The following GFOD1 variants were observed in gnomAD, a reference collection of about 807,000 sequenced individuals.
The protein encoded by GFOD1 is Gfo/Idh/MocA-like oxidoreductase domain containing 1.
GFOD1 carries 9 observed loss-of-function variants against 25.4 expected under a neutral mutation model. The observed-to-expected ratio is 0.35, with a 90% CI of 0.21 to 0.62. The LOEUF is 0.62. Ranked by LOEUF, GFOD1 falls within the 20% of genes least tolerant of loss-of-function variation. GFOD1 has a pLI of 0.72. For missense variants in GFOD1, 403 were observed against 556.9 expected (o/e 0.72, Z 2.78); for synonymous variants, 253 against 245.6 (o/e 1.03, Z -0.28).
chr6:13,376,569 G>A (rs1275907012), intron 1 of GFOD1, among the ~76,000 whole-genome samples: 1 of 152,098 alleles, frequency 6.6e-6, no homozygotes, highest in African/African-American at 2.4e-5. Context: ...CAAACATTGG[G>A]TCACCAGAGT....
intron 1 of GFOD1, among the ~76,000 whole-genome samples, chr6:13,382,056 C>A (rs1785376687): frequency 6.6e-6 from 1 of 152,066 alleles, no homozygotes; most frequent in Non-Finnish European, 1.5e-5. Context: ...TATTGTCCTT[C>A]CAATTTCACA....
At chr6:13,470,286 C>T in intron 1 of GFOD1, 1 of 1,587,160 alleles carries the variant, frequency 6.3e-7, no homozygotes, top group Non-Finnish European at 8.6e-7. Flanking sequence ...CCCATGCCAG[C>T]AGGCTGTGGC....
chr6:13,374,308 T>C (rs1785213119), intron 1 of GFOD1, among the ~76,000 whole-genome samples: 2 of 149,074 alleles, frequency 1.3e-5, no homozygotes, highest in Admixed American at 6.7e-5. Flanking sequence ...TGTGTGTGTT[T>C]GTTTTTTTTT....
At chr6:13,416,325 A>T (rs1030955062) in intron 1 of GFOD1, among the ~76,000 whole-genome samples, 1 of 152,250 alleles carries the variant, frequency 6.6e-6, no homozygotes, top group Admixed American at 6.5e-5. Context: ...TAATACAGGG[A>T]GACAGCCAGA....
At position 13,481,558 on chromosome 6, in the gene GFOD1, TACACACAC is replaced by T. The variant is rs55888360; in HGVS notation, c.253+5072_253+5079del. On this transcript the variant is annotated intron_variant, in intron 1 of 1. Coordinates refer to ENST00000379287, the MANE Select transcript of GFOD1 (RefSeq NM_018988.4). ...CCACTGAAAGTGGAGAGTGATACCT[TACACACAC>T]ACACACACACACACACACACACACA... is the stretch of plus-strand genomic sequence containing the variant. 9.3e-3 allele frequency among the ~76,000 whole-genome samples: 1,406 copies of T among 150,770 alleles called. 16 individuals are homozygous for T. Among genetic ancestry groups the T allele is most frequent in the African/African-American group, 0.023 (962 of 41,066 alleles).
rs534520125 is a variant in GFOD1, at chr6:13,378,201, A to ATCCAGGGTGCAAAT, written c.254-12553_254-12540dup. Among the ~76,000 whole-genome samples the ATCCAGGGTGCAAAT allele has an allele frequency of 4.2e-4, 64 of 152,316 alleles. 2 individuals carry two copies. The East Asian group carries it at 0.012, about 28-fold the overall frequency. ...TGCCCAAGGTCAGAGATATGTGCAG[A>ATCCAGGGTGCAAAT]TCCAGGGTGCAAATTCAGTTCTGTG... On this transcript the variant is annotated intron_variant, in intron 1 of 1. Coordinates refer to ENST00000379287, the MANE Select transcript of GFOD1 (RefSeq NM_018988.4).
At chr6:13,470,614 C>T (rs1209654521) in intron 1 of GFOD1, 2 of 1,482,774 alleles carry the variant, frequency 1.3e-6, no homozygotes, top group East Asian at 5.0e-5. Context: ...TGATTTTCTT[C>T]CTCTGATGTC....
intron 1 of GFOD1, among the ~76,000 whole-genome samples, chr6:13,370,106 C>T (rs1428226716): frequency 6.6e-6 from 1 of 152,212 alleles, no homozygotes; most frequent in Non-Finnish European, 1.5e-5. Flanking sequence ...GGGGAGCTGG[C>T]AGGTCCCAGC....
intron 1 of GFOD1, among the ~76,000 whole-genome samples, chr6:13,384,556 G>T (rs1180778353): frequency 1.3e-5 from 2 of 152,294 alleles, no homozygotes; most frequent in East Asian, 3.9e-4. Context: ...TGTCTCCTCT[G>T]CATACTTCAC....
chr6:13,427,819 G>C (rs1757667650), intron 1 of GFOD1, among the ~76,000 whole-genome samples: 1 of 152,096 alleles, frequency 6.6e-6, no homozygotes. Context: ...CGTAATTCCT[G>C]GTGCCCCTGA....
In GFOD1 at chr6:13,365,334, C is replaced by A; in HGVS notation, c.582G>T (p.Lys194Asn). The A allele has an allele frequency of 1.9e-6, 3 of 1,614,230 alleles. No individual in the cohort carries two copies. Among genetic ancestry groups the A allele is most frequent in the South Asian group, 1.1e-5 (1 of 91,088 alleles). The change falls in exon 2 of 2, where the codon AAG becomes AAT. Residue 194 changes from lysine (K) to asparagine (N), a missense_variant. Lys to Asn is a moderately conservative substitution (Grantham distance 94). Transcript: ENST00000379287. This position sits in a 1 kb window ranked among gnomAD's most constrained non-coding sequence, Gnocchi z 9.2. ...CGAAGGTCTTGAGCAGCCCGTGGAC[C>A]TTGACGGCCTTTTGGCCGGTGAGGA... ...LTFLTGQKAV[K>N]VHGLLKTFVK...
At chr6:13,424,175 T>C (rs191082136) in intron 1 of GFOD1, among the ~76,000 whole-genome samples, 1 of 152,296 alleles carries the variant, frequency 6.6e-6, no homozygotes, top group African/African-American at 2.4e-5. Context: ...TCACCCTTTT[T>C]TTAAAATAAT....
At chr6:13,434,207 T>C (rs1444215826) in intron 1 of GFOD1, among the ~76,000 whole-genome samples, 6 of 148,694 alleles carry the variant, frequency 4.0e-5, no homozygotes, top group African/African-American at 1.5e-4. Context: ...CATGGCATTA[T>C]GAGAACACAA....
At chr6:13,409,143 AAGAAAG>A (rs762919816) in intron 1 of GFOD1, among the ~76,000 whole-genome samples, 1,389 of 44,162 alleles carry the variant, frequency 0.031, 111 homozygotes, top group Non-Finnish European at 0.058. Flanking sequence ...GAAAGAAAGA[AAGAAAG>A]AGAGGAAAGA....
intron 1 of GFOD1, among the ~76,000 whole-genome samples, chr6:13,386,392 G>C (rs1205562991): frequency 6.6e-6 from 1 of 152,162 alleles, no homozygotes; most frequent in Non-Finnish European, 1.5e-5. Context: ...GCTGACTCCA[G>C]GTAGCACCTG....
rs568295798 is a variant in GFOD1, at chr6:13,447,376, C to T, written c.253+39262G>A. ...ATTCCCCCCTTTTTATAAGAACATCCGACATGGTGTATCAGGGCCCATCCT... is the reference window on the plus strand; with the variant it reads ...ATTCCCCCCTTTTTATAAGAACATCTGACATGGTGTATCAGGGCCCATCCT... On this transcript the variant is annotated intron_variant, in intron 1 of 1. Transcript: ENST00000379287. Among the ~76,000 whole-genome samples the T allele has an allele frequency of 1.8e-4, 28 of 152,158 alleles. No individual in the cohort carries two copies. In the South Asian group the frequency reaches 1.9e-3, roughly 10 times the overall value.
At chr6:13,409,149 G>GAAAGAAAGAA (rs369047514) in intron 1 of GFOD1, among the ~76,000 whole-genome samples, 391 of 36,420 alleles carry the variant, frequency 0.011, 21 homozygotes, top group South Asian at 0.018. Context: ...AAGAAAGAAA[G>GAAAGAAAGAA]AGAGGAAAGA....
intron 1 of GFOD1, among the ~76,000 whole-genome samples, chr6:13,369,499 C>A (rs190825659): frequency 6.6e-6 from 1 of 152,098 alleles, no homozygotes; most frequent in Non-Finnish European, 1.5e-5. Flanking sequence ...ATAGCAAGAT[C>A]CCATTTCTTA....
intron 1 of GFOD1, among the ~76,000 whole-genome samples, chr6:13,419,642 T>C (rs1786220200): frequency 6.6e-6 from 1 of 152,128 alleles, no homozygotes; most frequent in South Asian, 2.1e-4. Flanking sequence ...CCCTCCACGA[T>C]CTGCTTCCTC....
Sources: allele counts gnomAD v4.1 joint callset (sites outside exome capture counted in the v4.1 genomes callset), GRCh38; gene constraint gnomAD v4.1.1; non-coding constraint Gnocchi (gnomAD v3.1); transcripts MANE v1.5; gene names NCBI Gene and HGNC (gene_info 2026-07-23, HGNC 2026-07-21).